Variants in LUZP2 observed in about 807,000 individuals in gnomAD.
LUZP2 encodes the protein leucine zipper protein 2.
A neutral mutation model predicts 51.6 loss-of-function variants in LUZP2; 52 were observed. The observed-to-expected ratio is 1.01, with a 90% CI of 0.81 to 1.27. The LOEUF (loss-of-function observed/expected upper bound fraction) is 1.27, where lower values mean the gene tolerates loss of function less well. Among genes scored for constraint, LUZP2 ranks in the 50% most tolerant of loss-of-function variants. The pLI, the probability that LUZP2 is intolerant of heterozygous loss-of-function variation, is 0.00. For synonymous variants in LUZP2, 154 were observed against 137.3 expected (o/e 1.12, Z -0.85); for missense variants, 436 against 395.4 (o/e 1.10, Z -0.87).
chr11:25,076,291 C>A (rs111619364), intron 10 of LUZP2, among the ~76,000 whole-genome samples: 3,004 of 152,200 alleles, frequency 0.02, 69 homozygotes, highest in East Asian at 0.093. Context: ...GCAATCCACC[C>A]ACCTCAGCCT....
At chr11:24,579,690 T>C (rs1852781669) in intron 1 of LUZP2, among the ~76,000 whole-genome samples, 1 of 151,958 alleles carries the variant, frequency 6.6e-6, no homozygotes, top group Non-Finnish European at 1.5e-5. Context: ...ATACATTGAT[T>C]AGGTATATTG....
chr11:24,547,260 A>G (rs902171996), intron 1 of LUZP2, among the ~76,000 whole-genome samples: 1 of 152,078 alleles, frequency 6.6e-6, no homozygotes, highest in Non-Finnish European at 1.5e-5. Flanking sequence ...CAAATTGCCA[A>G]AGCAATCCTA....
At chr11:24,850,396 C>A (rs1414591752) in intron 5 of LUZP2, among the ~76,000 whole-genome samples, 1 of 152,130 alleles carries the variant, frequency 6.6e-6, no homozygotes, top group African/African-American at 2.4e-5. Context: ...TTCCCCATTG[C>A]TTGTTTTTGT....
intron 10 of LUZP2, among the ~76,000 whole-genome samples, chr11:25,051,183 A>G (rs1858497027): frequency 6.6e-6 from 1 of 152,148 alleles, no homozygotes; most frequent in Non-Finnish European, 1.5e-5. Flanking sequence ...GTGGATTTAG[A>G]AAAATGAATT....
chr11:24,721,137 G>A (rs1323983332), intron 1 of LUZP2, among the ~76,000 whole-genome samples: 4 of 152,176 alleles, frequency 2.6e-5, no homozygotes, highest in Non-Finnish European at 4.4e-5. Flanking sequence ...TGCCTTTGGA[G>A]TGTCACATGA....
In LUZP2 at chr11:24,665,170, G is replaced by A. The variant is rs559990459; in HGVS notation, c.63-63999G>A. ...CTGGATGTGAAACATGGAGTCAAAG[G>A]AGATCATTTTGGAACTTTAAGATTT... is the stretch of plus-strand genomic sequence containing the variant. On this transcript the variant is annotated intron_variant, in intron 1 of 11. Transcript: ENST00000336930. Among the ~76,000 whole-genome samples, 6 of 152,270 alleles carry A rather than the reference G, an allele frequency of 3.9e-5. No homozygotes were observed. The South Asian group carries it at 1.2e-3, about 32-fold the overall frequency.
chr11:24,762,887 A>T, intron 4 of LUZP2: 1 of 589,312 alleles, frequency 1.7e-6, no homozygotes, highest in Non-Finnish European at 2.1e-6. Context: ...GTGTTTTAGA[A>T]ATAGAGATTC....
intron 1 of LUZP2, among the ~76,000 whole-genome samples, chr11:24,512,338 A>AT (rs76195189): frequency 0.39 from 59,932 of 151,910 alleles, 11,942 homozygotes; most frequent in South Asian, 0.58. Context: ...CCAAACCTTC[A>AT]TTTTTTTATA....
chr11:24,686,010 A>C (rs577460304), intron 1 of LUZP2, among the ~76,000 whole-genome samples: 8 of 152,126 alleles, frequency 5.3e-5, no homozygotes, highest in Non-Finnish European at 2.9e-5. Flanking sequence ...ACACTCTTAT[A>C]TAGTGTTGTA....
At chr11:24,821,672 A>G (rs1850361771) in intron 5 of LUZP2, among the ~76,000 whole-genome samples, 1 of 152,098 alleles carries the variant, frequency 6.6e-6, no homozygotes, top group African/African-American at 2.4e-5. Context: ...ATTACCTTCA[A>G]TGCAGACTTT....
At chr11:24,774,332 T>TTCTCTCTCTCTCTC (rs374302170) in intron 5 of LUZP2, among the ~76,000 whole-genome samples, 3,659 of 41,164 alleles carry the variant, frequency 0.089, 240 homozygotes, top group African/African-American at 0.096. Flanking sequence ...CTTAGTAAAC[T>TTCTCTCTCTCTCTC]TCTCTCTCTC....
chr11:24,607,731 T>C (rs1314050167), intron 1 of LUZP2, among the ~76,000 whole-genome samples: 1 of 152,144 alleles, frequency 6.6e-6, no homozygotes, highest in Non-Finnish European at 1.5e-5. Context: ...ATGGACTTTT[T>C]CATAGCGTTG....
intron 1 of LUZP2, among the ~76,000 whole-genome samples, chr11:24,700,428 A>G (rs889223514): frequency 6.6e-6 from 1 of 152,168 alleles, no homozygotes; most frequent in Admixed American, 6.5e-5. Context: ...TTCCTAGACC[A>G]CTTAATTTCA....
chr11:25,017,708 ATTG>A (rs112742532), intron 9 of LUZP2, among the ~76,000 whole-genome samples: 16 of 151,780 alleles, frequency 1.1e-4, no homozygotes, highest in African/African-American at 3.4e-4. Flanking sequence ...AAGTTTGCTT[ATTG>A]TTGTTGTTGT....
At chr11:24,922,837 C>CTTT (rs749672583) in intron 7 of LUZP2, among the ~76,000 whole-genome samples, 34 of 47,368 alleles carry the variant, frequency 7.2e-4, no homozygotes, top group South Asian at 3.9e-3. Flanking sequence ...TTTTTTTTTT[C>CTTT]TTTTTTTTTT....
At chr11:24,603,731 A>G (rs1590231206) in intron 1 of LUZP2, among the ~76,000 whole-genome samples, 1 of 151,506 alleles carries the variant, frequency 6.6e-6, no homozygotes, top group East Asian at 1.9e-4. Flanking sequence ...TATTAGCAGA[A>G]CATGTGGATA....
chr11:24,554,115 C>T (rs1214683320), intron 1 of LUZP2, among the ~76,000 whole-genome samples: 1 of 152,114 alleles, frequency 6.6e-6, no homozygotes, highest in Non-Finnish European at 1.5e-5. Context: ...GCTCCCATAT[C>T]CCGTCTACGG....
chr11:24,635,871 A>G (rs2133935628), intron 1 of LUZP2, among the ~76,000 whole-genome samples: 1 of 152,250 alleles, frequency 6.6e-6, no homozygotes, highest in African/African-American at 2.4e-5. Context: ...CGGTGCAGGT[A>G]GACTTTGCAA....
chr11:24,670,197 C>G (rs1371914317), intron 1 of LUZP2, among the ~76,000 whole-genome samples: 2 of 151,992 alleles, frequency 1.3e-5, no homozygotes, highest in Non-Finnish European at 2.9e-5. Flanking sequence ...GGAGTGAAAA[C>G]AAGACTCAAG....
Sources: gnomAD v4.1 joint callset for allele counts (sites outside exome capture counted in the v4.1 genomes callset) on GRCh38, gnomAD v4.1.1 for gene constraint, MANE v1.5 for transcripts, NCBI Gene and HGNC (gene_info 2026-07-23, HGNC 2026-07-21) for gene names.